The following SLC17A5 variants were observed in gnomAD, a reference collection of about 807,000 sequenced individuals.
The protein encoded by SLC17A5 is sialin.
SLC17A5 carries 47 observed loss-of-function variants against 59.4 expected under a neutral mutation model. The observed-to-expected ratio is 0.79, with a 90% CI of 0.63 to 1.01. SLC17A5 has a LOEUF of 1.01. Ranked by LOEUF, SLC17A5 falls within the 50% of genes least tolerant of loss-of-function variation. SLC17A5 has a pLI of 0.00. For synonymous variants in SLC17A5, 202 were observed against 210.7 expected, an observed-to-expected ratio of 0.96 and a Z score of 0.36; for missense variants, 522 against 595.5, an observed-to-expected ratio of 0.88 and a Z score of 1.28.
chr6:73,596,511 A>G (rs1766805269), intron 10 of SLC17A5, among the ~76,000 whole-genome samples: 1 of 152,056 alleles, frequency 6.6e-6, no homozygotes, highest in African/African-American at 2.4e-5. Context: ...CATTTTTTGG[A>G]TTTTTTCAAT....
intron 6 of SLC17A5, among the ~76,000 whole-genome samples, chr6:73,625,153 T>C (rs1054429839): frequency 6.6e-5 from 10 of 152,152 alleles, no homozygotes; most frequent in African/African-American, 2.4e-4. Flanking sequence ...TCTTTGTAGA[T>C]ATGCTCTTGT....
chr6:73,621,982 T>G lies in SLC17A5; in HGVS notation c.820-20A>C. The G allele has an allele frequency of 6.2e-7, 1 of 1,612,886 alleles. No homozygotes were observed. Among genetic ancestry groups the G allele is most frequent in the Non-Finnish European group, 8.5e-7 (1 of 1,178,978 alleles). On this transcript the variant is annotated intron_variant, in intron 6 of 10. Transcript: ENST00000355773. The stretch of plus-strand genomic sequence containing the variant: ...AGAAAGCTGAAGAAAACAGGAATAA[T>G]TAGGATAAACTACGGCTATGTTAAT...
At chr6:73,614,715 C>A (rs901889202) in intron 8 of SLC17A5, among the ~76,000 whole-genome samples, 1 of 152,150 alleles carries the variant, frequency 6.6e-6, no homozygotes, top group African/African-American at 2.4e-5. Context: ...CTCAAAGGGA[C>A]AGGGTTTGGA....
chr6:73,632,294 A>G (rs1307670428), intron 6 of SLC17A5, among the ~76,000 whole-genome samples: 1 of 133,054 alleles, frequency 7.5e-6, no homozygotes, highest in African/African-American at 2.6e-5. Context: ...CTAGACTCAA[A>G]AAAAAAAAAA....
chr6:73,638,073 T>C (rs1035597003), intron 4 of SLC17A5, among the ~76,000 whole-genome samples: 3 of 151,488 alleles, frequency 2.0e-5, no homozygotes, highest in African/African-American at 7.3e-5. Flanking sequence ...TTTTTTTAAA[T>C]AGCATCTCTA....
intron 8 of SLC17A5, among the ~76,000 whole-genome samples, chr6:73,612,316 C>T (rs190371047): frequency 4.5e-4 from 68 of 152,168 alleles, no homozygotes; most frequent in African/African-American, 1.6e-3. Context: ...CACACCACCA[C>T]GCCAAGCTAA....
chr6:73,646,122 AAT>A (rs1363219050), intron 1 of SLC17A5, among the ~76,000 whole-genome samples: 1 of 152,216 alleles, frequency 6.6e-6, no homozygotes, highest in Non-Finnish European at 1.5e-5. Flanking sequence ...ATTAAATGAA[AAT>A]ATGTGTGCTT....
chr6:73,598,251 C>A (rs1418732412), intron 10 of SLC17A5, among the ~76,000 whole-genome samples: 1 of 152,170 alleles, frequency 6.6e-6, no homozygotes, highest in African/African-American at 2.4e-5. Flanking sequence ...CAACATTGAA[C>A]CTCAGACACA....
chr6:73,641,843 G>A lies in SLC17A5; in HGVS notation c.373C>T (p.Pro125Ser), dbSNP rs754164697. The change falls in exon 3 of 11, where the codon CCT (proline) becomes TCT (serine). Residue 125 changes from proline (P) to serine (S), a missense_variant. Physicochemically the swap from Pro to Ser is moderately conservative, Grantham distance 74 (BLOSUM62 -1). Coordinates refer to ENST00000355773, the MANE Select transcript of SLC17A5 (RefSeq NM_012434.5). ...FFYGYIITQI[P>S]GGYVASKIGG... ...ATTTTGCTGGCAACATATCCTCCAG[G>A]AATCTGTGTGATGATGTAGCCATAA... 17 of 1,613,940 alleles carry A rather than the reference G, an allele frequency of 1.1e-5. No homozygotes were observed. The East Asian group carries it at 3.1e-4, about 30-fold the overall frequency.
intron 1 of SLC17A5, among the ~76,000 whole-genome samples, chr6:73,646,090 C>A (rs1376575319): frequency 2.0e-5 from 3 of 152,128 alleles, no homozygotes; most frequent in Non-Finnish European, 4.4e-5. Flanking sequence ...ACATGTATTT[C>A]ATTAAGCAAT....
rs1766725650 is a variant in SLC17A5 at position 73,594,925 on chromosome 6, A to T, written c.*152T>A. 3 of 781,530 alleles carry T rather than the reference A, an allele frequency of 3.8e-6. No individual in the cohort carries two copies. The highest frequency in any genetic ancestry group is 6.4e-6 in the Non-Finnish European group (3 of 468,350). 48.4% of individuals were successfully genotyped at this position (781,530 alleles called of 1,614,324 possible). On this transcript the variant is annotated 3_prime_UTR_variant, in exon 11 of 11. Transcript: ENST00000355773. ...ACACAGTTCATTTTATTATTCTGGC[A>T]ACTAGTGATATTTCATGATTATAGG...
At chr6:73,596,213 CACTA>C (rs1044086629) in intron 10 of SLC17A5, among the ~76,000 whole-genome samples, 2 of 152,156 alleles carry the variant, frequency 1.3e-5, no homozygotes, top group African/African-American at 2.4e-5. Context: ...TCATGCCTAA[CACTA>C]ACTAACACTA....
intron 1 of SLC17A5, 47 bp from the exon 2 acceptor site, chr6:73,644,650 T>A: frequency 6.6e-7 from 1 of 1,526,206 alleles, no homozygotes; most frequent in Non-Finnish European, 8.9e-7. Flanking sequence ...TAAATTTTTA[T>A]TTTTAGAGAC....
chr6:73,650,914 C>G (rs1159031968), intron 1 of SLC17A5, among the ~76,000 whole-genome samples: 1 of 152,094 alleles, frequency 6.6e-6, no homozygotes, highest in Admixed American at 6.6e-5. Flanking sequence ...CACTTGTATT[C>G]TACTTATGGA....
chr6:73,601,950 C>T (rs1465454293), intron 9 of SLC17A5, among the ~76,000 whole-genome samples: 2 of 151,938 alleles, frequency 1.3e-5, no homozygotes, highest in Admixed American at 1.3e-4. Context: ...CCCAACAGCT[C>T]ATTGAGAACG....
In SLC17A5 at chr6:73,600,384, A is replaced by G; in HGVS notation, c.1317T>C (p.Val439=). Residue 439 remains valine, a synonymous_variant, in exon 10 of 11, where the codon GTT becomes GTC. Coordinates refer to ENST00000355773, the MANE Select transcript of SLC17A5 (RefSeq NM_012434.5). ...TCAGACTTTTAGCAATGACGGGCCCAACCATTCCTGGAATAGTGGCAAATG... is the reference window on the plus strand; with the variant it reads ...TCAGACTTTTAGCAATGACGGGCCCGACCATTCCTGGAATAGTGGCAAATG... ...TNTFATIPGM[V]GPVIAKSLTP... 1.9e-6 allele frequency: 3 copies of G among 1,614,158 alleles called. No homozygotes were observed. The South Asian group carries it at 3.3e-5, about 18-fold the overall frequency.
intron 4 of SLC17A5, among the ~76,000 whole-genome samples, chr6:73,637,652 T>C (rs1028696267): frequency 1.3e-5 from 2 of 152,170 alleles, no homozygotes; most frequent in Non-Finnish European, 2.9e-5. Flanking sequence ...TTAACCCTTA[T>C]GTTATTTCTT....
chr6:73,641,141 G>A (rs548102820), intron 3 of SLC17A5, among the ~76,000 whole-genome samples: 10 of 152,092 alleles, frequency 6.6e-5, no homozygotes, highest in South Asian at 4.2e-4. Flanking sequence ...GTGCAGTGGC[G>A]CGATCTTGGC....
In SLC17A5 at chr6:73,644,561, G is replaced by C. The variant is rs371810705; in HGVS notation, c.137C>G (p.Ala46Gly). The C allele has an allele frequency of 4.8e-5, 78 of 1,613,920 alleles. No individual in the cohort carries two copies. The highest frequency in any genetic ancestry group is 5.9e-5 in the Non-Finnish European group (70 of 1,179,992). The change falls in exon 2 of 11, where the codon GCC becomes GGC. Residue 46 changes from alanine to glycine, a missense_variant. Ala to Gly is a moderately conservative substitution (Grantham distance 60, BLOSUM62 0). Transcript: ENST00000355773. ...ATACACAATGAAGAAACCAAAAAAG[G>C]CCAAAATTGCTAAGTTGTAACGAGC... ...CSARYNLAIL[A>G]FFGFFIVYAL...
Sources: allele counts gnomAD v4.1 joint callset (sites outside exome capture counted in the v4.1 genomes callset), GRCh38; gene constraint gnomAD v4.1.1; transcripts MANE v1.5; gene names NCBI Gene and HGNC (gene_info 2026-07-23, HGNC 2026-07-21).